Variants in RALGPS1 observed in about 807,000 individuals in gnomAD.
The protein encoded by RALGPS1 is Ral GEF with PH domain and SH3 binding motif 1.
In RALGPS1, 19 loss-of-function variants were observed where a neutral mutation model predicts 78.8. That is an observed-to-expected ratio of 0.24 (90% CI 0.17 to 0.35). The LOEUF (loss-of-function observed/expected upper bound fraction) is 0.35, where lower values mean the gene tolerates loss of function less well. Ranked by LOEUF, RALGPS1 falls within the 10% of genes least tolerant of loss-of-function variation. RALGPS1 has a pLI of 1.00. For missense variants in RALGPS1, 454 were observed against 688.3 expected (o/e 0.66, Z 3.81); for synonymous variants, 228 against 256.3 (o/e 0.89, Z 1.06).
At chr9:127,132,170 G>C (rs2057049007) in intron 8 of RALGPS1, among the ~76,000 whole-genome samples, 2 of 152,170 alleles carry the variant, frequency 1.3e-5, no homozygotes, top group Non-Finnish European at 2.9e-5. Context: ...GGAGCTGGCT[G>C]TCTTGCCCTT....
chr9:127,004,799 G>A (rs1011239051), intron 4 of RALGPS1, among the ~76,000 whole-genome samples: 3 of 152,186 alleles, frequency 2.0e-5, no homozygotes, highest in Non-Finnish European at 4.4e-5. Context: ...GTGGTTGCAC[G>A]ACATCTGCAA....
At chr9:127,004,082 C>G (rs936546411) in intron 4 of RALGPS1, among the ~76,000 whole-genome samples, 10 of 152,110 alleles carry the variant, frequency 6.6e-5, no homozygotes, top group Admixed American at 2.0e-4. Context: ...GTTACTTTGC[C>G]GTAGACAGAG....
chr9:127,128,358 A>G (rs2056776483), intron 8 of RALGPS1, among the ~76,000 whole-genome samples: 1 of 152,254 alleles, frequency 6.6e-6, no homozygotes, highest in South Asian at 2.1e-4. Context: ...TGACCAATCA[A>G]GATGCTTCTC....
At chr9:126,977,824 C>T (rs1342983884) in intron 4 of RALGPS1, 79 bp downstream of exon 4, 2 of 938,158 alleles carry the variant, frequency 2.1e-6, no homozygotes, top group East Asian at 2.7e-5. Context: ...GTTAGAGTGT[C>T]TCAGTTTCTC....
chr9:127,182,256 G>T (rs1373899237), intron 11 of RALGPS1, among the ~76,000 whole-genome samples: 1 of 151,628 alleles, frequency 6.6e-6, no homozygotes, highest in African/African-American at 2.4e-5. Flanking sequence ...AGCAGATGCT[G>T]GCAGCATAAT....
rs557225331 is a variant in RALGPS1 at position 126,996,628 on chromosome 9, T to C, written c.216+18883T>C. ...ACAAAGAGGAGCTGATACCAATCCT[T>C]CTGAAACTATTCCAATCAATAGAAA... On this transcript the variant is annotated intron_variant, in intron 4 of 18. Transcript: ENST00000259351. 3.2e-4 allele frequency among the ~76,000 whole-genome samples: 48 copies of C among 152,352 alleles called. 1 individual carries two copies. In the South Asian group the frequency reaches 3.3e-3, roughly 11 times the overall value.
chr9:127,072,021 A>C (rs1449238822), intron 8 of RALGPS1, among the ~76,000 whole-genome samples: 1 of 152,110 alleles, frequency 6.6e-6, no homozygotes, highest in African/African-American at 2.4e-5. Flanking sequence ...CTATTAATCT[A>C]CTTTGTGTCT....
chr9:127,084,392 T>C (rs2051482834), intron 8 of RALGPS1, among the ~76,000 whole-genome samples: 3 of 152,160 alleles, frequency 2.0e-5, no homozygotes, highest in Non-Finnish European at 4.4e-5. Context: ...GAGTAATGTA[T>C]AGCTCCCTCC....
intron 14 of RALGPS1, among the ~76,000 whole-genome samples, chr9:127,207,446 A>C (rs541019170): frequency 6.6e-6 from 1 of 152,192 alleles, no homozygotes; most frequent in African/African-American, 2.4e-5. Context: ...TCAGAATGAC[A>C]CTGGGAAAGG....
At chr9:127,008,027 T>C (rs1302583239) in intron 4 of RALGPS1, among the ~76,000 whole-genome samples, 2 of 151,958 alleles carry the variant, frequency 1.3e-5, no homozygotes, top group Non-Finnish European at 2.9e-5. Flanking sequence ...TGCAGGAATG[T>C]CTAGGTGCTG....
In RALGPS1 at chr9:126,992,267, G is replaced by A. The variant is rs150324419; in HGVS notation, c.216+14522G>A. Reference sequence around the variant, plus strand: ...ATGAGATTATTTTCAGCGTTATTGAGGTATAATTTACATATGTAAACTATG... The same window carrying A: ...ATGAGATTATTTTCAGCGTTATTGAAGTATAATTTACATATGTAAACTATG... On this transcript the variant is annotated intron_variant, in intron 4 of 18. Transcript: ENST00000259351. Among the ~76,000 whole-genome samples, 8 of 152,166 alleles carry A rather than the reference G, an allele frequency of 5.3e-5. No homozygotes were observed. In the East Asian group the frequency reaches 1.5e-3, roughly 29 times the overall value.
At chr9:127,062,709 G>A (rs2049330241) in intron 7 of RALGPS1, among the ~76,000 whole-genome samples, 1 of 152,188 alleles carries the variant, frequency 6.6e-6, no homozygotes, top group Non-Finnish European at 1.5e-5. Flanking sequence ...TGTCTGTACA[G>A]GGTTTAAAAT....
At chr9:127,088,704 G>C (rs2052069091) in intron 8 of RALGPS1, 4 of 580,272 alleles carry the variant, frequency 6.9e-6, no homozygotes, top group African/African-American at 3.7e-5. Context: ...CTGTAGTCCT[G>C]TCCTGTCCTG....
chr9:126,932,278 A>G (rs865960179), intron 1 of RALGPS1, among the ~76,000 whole-genome samples: 10 of 152,230 alleles, frequency 6.6e-5, no homozygotes, highest in Non-Finnish European at 1.3e-4. Context: ...ATCAGCTTTC[A>G]TACTGCTGGT....
intron 4 of RALGPS1, among the ~76,000 whole-genome samples, chr9:126,985,993 G>A (rs2041761171): frequency 6.6e-6 from 1 of 152,246 alleles, no homozygotes; most frequent in Non-Finnish European, 1.5e-5. Flanking sequence ...ATATTACCAG[G>A]GTGTCTTGTT....
chr9:127,217,336 C>A, intron 18 of RALGPS1: 1 of 1,021,694 alleles, frequency 9.8e-7, no homozygotes. Context: ...AAGTTGACAA[C>A]AACTGAAATA....
chr9:127,165,443 C>T (rs2059248093), intron 8 of RALGPS1, among the ~76,000 whole-genome samples: 1 of 152,236 alleles, frequency 6.6e-6, no homozygotes, highest in South Asian at 2.1e-4. Flanking sequence ...GTTTGATCTT[C>T]AAAAGCTTTG....
intron 5 of RALGPS1, among the ~76,000 whole-genome samples, chr9:127,035,853 T>C (rs909721940): frequency 6.6e-6 from 1 of 152,198 alleles, no homozygotes; most frequent in Non-Finnish European, 1.5e-5. Context: ...TTTTGCTTCT[T>C]TTTTCTTTGT....
chr9:127,209,171 C>T lies in RALGPS1; in HGVS notation c.1248-2960C>T, dbSNP rs145857800. Among the ~76,000 whole-genome samples the T allele has an allele frequency of 1.0e-3, 156 of 152,296 alleles. 1 individual carries two copies. The East Asian group carries it at 0.019, about 18-fold the overall frequency. On this transcript the variant is annotated intron_variant, in intron 14 of 18. Coordinates refer to ENST00000259351, the MANE Select transcript of RALGPS1 (RefSeq NM_014636.3). ...TCAGACCCTGCTCAGAAGAAATCCC[C>T]GGTGATTCTCAGAAGAAAGCCCCGG...
Sources: allele counts gnomAD v4.1 joint callset (sites outside exome capture counted in the v4.1 genomes callset), GRCh38; gene constraint gnomAD v4.1.1; transcripts MANE v1.5; gene names NCBI Gene and HGNC (gene_info 2026-07-23, HGNC 2026-07-21).